Variants in NBEA observed in about 807,000 individuals in gnomAD.
NBEA encodes neurobeachin.
A neutral mutation model predicts 343.4 loss-of-function variants in NBEA; 44 were observed. The ratio of observed to expected loss-of-function variants is 0.13; its 90% CI spans 0.10 to 0.16. The LOEUF is 0.16. Ranked by LOEUF, NBEA falls within the 10% of genes least tolerant of loss-of-function variation. NBEA has a pLI of 1.00. For missense variants in NBEA, 2,555 were observed against 3,631.3 expected, an observed-to-expected ratio of 0.70 and a Z score of 7.62; for synonymous variants, 1,175 against 1,238.7, an observed-to-expected ratio of 0.95 and a Z score of 1.08.
intron 34 of NBEA, among the ~76,000 whole-genome samples, chr13:35,289,687 T>C (rs1241861819): frequency 6.6e-6 from 1 of 151,940 alleles, no homozygotes; most frequent in Non-Finnish European, 1.5e-5. Flanking sequence ...AATGAGACCA[T>C]GCACGTAAGG....
chr13:35,651,932 A>G (rs1004622512), intron 53 of NBEA, 56 bp downstream of exon 53: 11 of 969,296 alleles, frequency 1.1e-5, no homozygotes, highest in Non-Finnish European at 1.6e-5. Flanking sequence ...ATTCATATAT[A>G]GTTATTTTTC....
chr13:35,361,651 T>C (rs1467432157), intron 38 of NBEA, among the ~76,000 whole-genome samples: 8 of 152,004 alleles, frequency 5.3e-5, no homozygotes, highest in African/African-American at 1.9e-4. Flanking sequence ...AGTTATTAAA[T>C]ACAGTACCAA....
chr13:35,408,657 GCAAGAAACAAA>G (rs927334430), intron 38 of NBEA, among the ~76,000 whole-genome samples: 7 of 113,106 alleles, frequency 6.2e-5, no homozygotes, highest in African/African-American at 2.3e-4. Context: ...AAATTTACAA[GCAAGAAACAAA>G]CAACCCAATT....
chr13:35,034,923 G>T (rs2062382559), intron 1 of NBEA, among the ~76,000 whole-genome samples: 1 of 151,406 alleles, frequency 6.6e-6, no homozygotes, highest in Non-Finnish European at 1.5e-5. Flanking sequence ...CTCTCTCTTA[G>T]TCTGGCTAAA....
At chr13:35,450,521 A>G (rs1169485131) in intron 39 of NBEA, among the ~76,000 whole-genome samples, 3 of 152,102 alleles carry the variant, frequency 2.0e-5, no homozygotes, top group South Asian at 2.1e-4. Flanking sequence ...GCAAACATCA[A>G]TAGGCAGTAA....
At chr13:35,501,338 G>C (rs2152980383) in intron 41 of NBEA, among the ~76,000 whole-genome samples, 1 of 152,188 alleles carries the variant, frequency 6.6e-6, no homozygotes, top group Middle Eastern at 3.4e-3. Context: ...AATGTTTAGT[G>C]GAGTCTCTAT....
intron 53 of NBEA, among the ~76,000 whole-genome samples, chr13:35,654,372 A>C (rs2153081351): frequency 6.6e-6 from 1 of 152,324 alleles, no homozygotes; most frequent in African/African-American, 2.4e-5. Flanking sequence ...TGCCCACGTA[A>C]CAACATCCCT....
chr13:35,177,032 A>T lies in NBEA; in HGVS notation c.4591A>T (p.Ile1531Phe). Reference protein sequence around the residue: ...LENVPGNLSPIKDPDRLLQDV... With the variant: ...LENVPGNLSPFKDPDRLLQDV... ...AAATGTTCCAGGTAACCTTTCTCCT[A>T]TTAAGGATCCGGATAGACTTCTTCA... The change falls in exon 28 of 59, where the codon ATT becomes TTT. Residue 1531 changes from isoleucine (I) to phenylalanine (F), a missense_variant. Ile to Phe is a conservative substitution (Grantham distance 21). This residue lies in a region of NBEA where 168 missense variants were observed against 193.0 expected (regional missense o/e 0.87). Transcript: ENST00000379939. 1 of 1,604,720 alleles carries T rather than the reference A, an allele frequency of 6.2e-7. No homozygotes were observed. Among genetic ancestry groups the T allele is most frequent in the Non-Finnish European group, 8.5e-7 (1 of 1,174,702 alleles).
At chr13:35,522,987 C>T (rs1026295046) in intron 41 of NBEA, among the ~76,000 whole-genome samples, 10 of 152,198 alleles carry the variant, frequency 6.6e-5, no homozygotes, top group African/African-American at 2.2e-4. Context: ...TACTGTGGAG[C>T]TGGAATCAAC....
chr13:35,646,262 A>T lies in NBEA; in HGVS notation c.7684A>T (p.Met2562Leu). 6.2e-7 allele frequency: 1 copy of T among 1,612,306 alleles called. No homozygotes were observed. The highest frequency in any genetic ancestry group is 1.1e-5 in the South Asian group (1 of 90,778). The change falls in exon 51 of 59, where the codon ATG becomes TTG. Residue 2562 changes from methionine to leucine, a missense_variant. By Grantham distance (15) the Met-to-Leu change is conservative (BLOSUM62 2). This residue lies in a region of NBEA where 87 missense variants were observed against 75.0 expected (regional missense o/e 1.16). Transcript: ENST00000379939. ...FLLTKDFIKAMEAQIQNFGQT... is the reference protein window; with the variant it reads ...FLLTKDFIKALEAQIQNFGQT... ...AATCACCCTCCTTCCCCTGCAGGCCATGGAGGCACAGATACAGAACTTTGG... is the reference window on the plus strand; with the variant it reads ...AATCACCCTCCTTCCCCTGCAGGCCTTGGAGGCACAGATACAGAACTTTGG...
At chr13:35,177,887 T>C (rs1353017940) in intron 28 of NBEA, among the ~76,000 whole-genome samples, 1 of 151,756 alleles carries the variant, frequency 6.6e-6, no homozygotes, top group East Asian at 1.9e-4. Flanking sequence ...TGGCATGCTT[T>C]GTACTTTAGA....
At chr13:35,266,875 C>A (rs1381254232) in intron 34 of NBEA, among the ~76,000 whole-genome samples, 1 of 151,818 alleles carries the variant, frequency 6.6e-6, no homozygotes, top group Non-Finnish European at 1.5e-5. Flanking sequence ...CTTTTCAACT[C>A]CCCAAAACTT....
chr13:35,657,048 T>C (rs902524003), intron 55 of NBEA, among the ~76,000 whole-genome samples: 7 of 152,168 alleles, frequency 4.6e-5, no homozygotes, highest in Non-Finnish European at 8.8e-5. Flanking sequence ...CCAACCCTTA[T>C]GCATTTTGAC....
intron 49 of NBEA, among the ~76,000 whole-genome samples, chr13:35,638,146 T>G (rs1417785969): frequency 6.6e-6 from 1 of 152,046 alleles, no homozygotes; most frequent in East Asian, 1.9e-4. Flanking sequence ...AAATATAGCG[T>G]TTTAGTTTTA....
At chr13:35,093,315 CAAAA>C (rs34323263) in intron 10 of NBEA, among the ~76,000 whole-genome samples, 4 of 141,264 alleles carry the variant, frequency 2.8e-5, no homozygotes. Flanking sequence ...ACTGGTACAC[CAAAA>C]AAAAAAAAAA....
chr13:35,233,742 C>T (rs2075091818), intron 34 of NBEA, among the ~76,000 whole-genome samples: 1 of 151,964 alleles, frequency 6.6e-6, no homozygotes, highest in African/African-American at 2.4e-5. Context: ...AGCATATATT[C>T]TAACAAGGAC....
intron 11 of NBEA, among the ~76,000 whole-genome samples, chr13:35,103,225 T>C (rs2065741063): frequency 6.6e-6 from 1 of 151,822 alleles, no homozygotes; most frequent in Non-Finnish European, 1.5e-5. Context: ...CTCCTAAACC[T>C]ACTCCTATTC....
intron 40 of NBEA, among the ~76,000 whole-genome samples, chr13:35,470,439 A>C (rs2075592675): frequency 6.6e-6 from 1 of 152,220 alleles, no homozygotes; most frequent in East Asian, 1.9e-4. Flanking sequence ...GAAGTAATTC[A>C]CCATTTTTAG....
intron 14 of NBEA, among the ~76,000 whole-genome samples, 173 bp from the exon 15 acceptor site, chr13:35,118,055 A>C (rs1169462033): frequency 5.3e-5 from 8 of 152,116 alleles, no homozygotes; most frequent in South Asian, 4.1e-4. Context: ...CTAAATATTT[A>C]CTTAACTTGA....
Sources: allele counts gnomAD v4.1 joint callset (sites outside exome capture counted in the v4.1 genomes callset), GRCh38; gene constraint gnomAD v4.1.1; regional missense constraint gnomAD v4.1.1; transcripts MANE v1.5; gene names NCBI Gene and HGNC (gene_info 2026-07-23, HGNC 2026-07-21).